ST18: variants seen among roughly 807,000 people sequenced by gnomAD.
ST18 encodes the protein suppression of tumorigenicity 18 protein.
A neutral mutation model predicts 110.0 loss-of-function variants in ST18; 50 were observed. The observed-to-expected ratio is 0.45, with a 90% CI of 0.36 to 0.58. The LOEUF is 0.58. ST18 is among the 20% of genes least tolerant of loss of function. The pLI is 0.00. For missense variants in ST18, 1,306 were observed against 1,280.1 expected, an observed-to-expected ratio of 1.02 and a Z score of -0.31; for synonymous variants, 461 against 452.4, an observed-to-expected ratio of 1.02 and a Z score of -0.24.
chr8:52,326,616 T>G (rs1806551095), intron 2 of ST18, among the ~76,000 whole-genome samples: 1 of 152,116 alleles, frequency 6.6e-6, no homozygotes, highest in Non-Finnish European at 1.5e-5. Flanking sequence ...TAACAATGCA[T>G]AAAATGTATA....
intron 2 of ST18, among the ~76,000 whole-genome samples, chr8:52,366,502 A>T (rs566977676): frequency 6.6e-6 from 1 of 151,996 alleles, no homozygotes; most frequent in Non-Finnish European, 1.5e-5. Context: ...GCTTCCTGCT[A>T]TTCTGTCAAT....
At chr8:52,174,422 CCACTT>C (rs917027463) in intron 9 of ST18, among the ~76,000 whole-genome samples, 1 of 152,202 alleles carries the variant, frequency 6.6e-6, no homozygotes, top group African/African-American at 2.4e-5. Flanking sequence ...TTCTCTCACT[CCACTT>C]AACTACCCAC....
At chr8:52,285,909 C>T (rs1053877179) in intron 2 of ST18, among the ~76,000 whole-genome samples, 10 of 152,314 alleles carry the variant, frequency 6.6e-5, no homozygotes, top group Middle Eastern at 3.4e-3. Flanking sequence ...CAGTGTTAAA[C>T]TTACACACTT....
chr8:52,171,514 A>T, intron 10 of ST18: 1 of 507,040 alleles, frequency 2.0e-6, no homozygotes, highest in Non-Finnish European at 3.7e-6. Flanking sequence ...TTATTTCTAA[A>T]GGTATGATGC....
intron 13 of ST18, 112 bp downstream of exon 13, chr8:52,163,874 G>T: frequency 2.7e-6 from 2 of 730,824 alleles, no homozygotes; most frequent in Non-Finnish European, 4.6e-6. Flanking sequence ...AGGTCTACTG[G>T]GGCTGAGAGG....
intron 2 of ST18, among the ~76,000 whole-genome samples, chr8:52,248,172 A>G (rs1457297255): frequency 6.6e-6 from 1 of 152,178 alleles, no homozygotes; most frequent in Non-Finnish European, 1.5e-5. Context: ...CTATTTATTC[A>G]GTATCACAAT....
chr8:52,302,270 G>A (rs2095737381), intron 2 of ST18, among the ~76,000 whole-genome samples: 1 of 152,192 alleles, frequency 6.6e-6, no homozygotes, highest in Admixed American at 6.5e-5. Flanking sequence ...ATGTGGAAAG[G>A]GAGAAAATTA....
At chr8:52,361,597 A>G (rs1825773423) in intron 2 of ST18, among the ~76,000 whole-genome samples, 1 of 152,204 alleles carries the variant, frequency 6.6e-6, no homozygotes, top group Admixed American at 6.5e-5. Context: ...TATAATTCAT[A>G]AAGTGGCATG....
chr8:52,127,241 A>T (rs539845555), intron 22 of ST18, among the ~76,000 whole-genome samples: 90 of 152,350 alleles, frequency 5.9e-4, no homozygotes, highest in African/African-American at 2.0e-3. Context: ...GAAATATAGA[A>T]AATAATAGAC....
At chr8:52,250,389 C>T (rs992951409) in intron 2 of ST18, among the ~76,000 whole-genome samples, 34 of 135,142 alleles carry the variant, frequency 2.5e-4, no homozygotes, top group African/African-American at 8.5e-4. Flanking sequence ...ATTCACACCA[C>T]GAGGCCGTTT....
chr8:52,139,898 C>T (rs888579853), intron 17 of ST18, among the ~76,000 whole-genome samples: 1 of 152,136 alleles, frequency 6.6e-6, no homozygotes, highest in Non-Finnish European at 1.5e-5. Context: ...AATTCCGAAT[C>T]TACAGTGAAA....
intron 15 of ST18, among the ~76,000 whole-genome samples, chr8:52,151,652 C>A (rs187071259): frequency 6.6e-6 from 1 of 152,092 alleles, no homozygotes; most frequent in Admixed American, 6.5e-5. Flanking sequence ...CTGCCAGGAG[C>A]GCATCAAAAC....
At chr8:52,350,607 C>A (rs1191319482) in intron 2 of ST18, among the ~76,000 whole-genome samples, 1 of 152,170 alleles carries the variant, frequency 6.6e-6, no homozygotes, top group South Asian at 2.1e-4. Context: ...CAGACTACAA[C>A]AAACCCTGTA....
intron 2 of ST18, chr8:52,403,886 A>G (rs1251588070): frequency 2.0e-5 from 3 of 152,228 alleles, no homozygotes; most frequent in African/African-American, 7.2e-5. Flanking sequence ...TAAAAAGAAC[A>G]GAAACACTGG....
chr8:52,227,677 A>T (rs1392941407), intron 3 of ST18, among the ~76,000 whole-genome samples: 1 of 152,242 alleles, frequency 6.6e-6, no homozygotes, highest in Non-Finnish European at 1.5e-5. Context: ...TGTACGTTTC[A>T]AAGGAACTTT....
chr8:52,177,327 G>A (rs534784024), intron 9 of ST18, among the ~76,000 whole-genome samples: 2 of 152,314 alleles, frequency 1.3e-5, no homozygotes, highest in South Asian at 2.1e-4. Context: ...GCCATAAAGC[G>A]GAATAAAACT....
At chr8:52,179,743 G>A (rs1457811177) in intron 9 of ST18, among the ~76,000 whole-genome samples, 1 of 151,942 alleles carries the variant, frequency 6.6e-6, no homozygotes, top group Non-Finnish European at 1.5e-5. Context: ...CATTGCAAAG[G>A]TGTCTTAAAG....
intron 15 of ST18, among the ~76,000 whole-genome samples, chr8:52,152,926 G>C (rs2059168975): frequency 6.6e-6 from 1 of 152,130 alleles, no homozygotes; most frequent in Non-Finnish European, 1.5e-5. Context: ...GAAAATACTT[G>C]TATCACTGAC....
intron 2 of ST18, among the ~76,000 whole-genome samples, chr8:52,387,895 G>T (rs1045134006): frequency 1.3e-5 from 2 of 152,038 alleles, no homozygotes; most frequent in African/African-American, 2.4e-5. Flanking sequence ...TTCCTGTTTT[G>T]AGTTCATTTA....
Sources: allele counts gnomAD v4.1 joint callset (sites outside exome capture counted in the v4.1 genomes callset), GRCh38; gene constraint gnomAD v4.1.1; transcripts MANE v1.5; gene names NCBI Gene and HGNC (gene_info 2026-07-23, HGNC 2026-07-21).